Variants in PKHD1 observed in about 807,000 individuals in gnomAD.
PKHD1 encodes PKHD1 ciliary IPT domain containing fibrocystin/polyductin, also known as fibrocystin.
Under a neutral mutation model 412.0 loss-of-function variants are expected in PKHD1, and 291 were observed. The ratio of observed to expected loss-of-function variants is 0.71; its 90% CI spans 0.64 to 0.78. The LOEUF (loss-of-function observed/expected upper bound fraction) is 0.78. PKHD1 is among the 30% of genes least tolerant of loss of function. The pLI, the probability that PKHD1 is intolerant of heterozygous loss-of-function variation, is 0.00. For synonymous variants in PKHD1, 1,777 were observed against 1,821.5 expected (o/e 0.98, Z 0.62); for missense variants, 4,825 against 4,950.7 (o/e 0.97, Z 0.76).
rs986262169 is a variant in PKHD1 at position 51,771,496 on chromosome 6, G to A, written c.8642+1206C>T. ...TAGCTGGGCATGGTGGTGTGTGCCT[G>A]TAATCCCAGCTACTTGGGAGGCTGA... On this transcript the variant is annotated intron_variant, in intron 55 of 66. Transcript: ENST00000371117. 9.2e-5 allele frequency among the ~76,000 whole-genome samples: 14 copies of A among 152,018 alleles called. No homozygotes were observed. The East Asian group carries it at 2.7e-3, about 30-fold the overall frequency.
intron 52 of PKHD1, among the ~76,000 whole-genome samples, chr6:51,818,086 A>C (rs2151436197): frequency 6.6e-6 from 1 of 152,270 alleles, no homozygotes; most frequent in South Asian, 2.1e-4. Context: ...ATGGTTTCAA[A>C]CGAGATCCAG....
chr6:52,074,548 C>T (rs1037563717), intron 6 of PKHD1, among the ~76,000 whole-genome samples: 37 of 152,130 alleles, frequency 2.4e-4, no homozygotes, highest in African/African-American at 8.9e-4. Context: ...CTTTGACAGG[C>T]ACAATTTTAA....
intron 48 of PKHD1, among the ~76,000 whole-genome samples, chr6:51,860,092 C>T (rs1773949486): frequency 6.6e-6 from 1 of 152,220 alleles, no homozygotes; most frequent in Non-Finnish European, 1.5e-5. Context: ...TTCATAGGCA[C>T]TCATGTGCAG....
intron 14 of PKHD1, among the ~76,000 whole-genome samples, chr6:52,062,014 A>G (rs1808754344): frequency 1.3e-5 from 2 of 152,194 alleles, no homozygotes; most frequent in Admixed American, 1.3e-4. Flanking sequence ...CATCACTACT[A>G]CTGAAAACAA....
chr6:51,690,280 A>T (rs1385494651), intron 60 of PKHD1, among the ~76,000 whole-genome samples: 4 of 18,996 alleles, frequency 2.1e-4, no homozygotes, highest in Non-Finnish European at 7.3e-4. Flanking sequence ...TCAAAAAAAA[A>T]AAAAAAAAAA....
At chr6:51,981,565 A>G (rs1215667389) in intron 35 of PKHD1, among the ~76,000 whole-genome samples, 1 of 148,240 alleles carries the variant, frequency 6.7e-6, no homozygotes, top group Non-Finnish European at 1.5e-5. Context: ...GTGATCCGCC[A>G]GCCTCGGCCT....
chr6:51,987,997 C>G (rs116491835), intron 35 of PKHD1, among the ~76,000 whole-genome samples: 5 of 152,254 alleles, frequency 3.3e-5, no homozygotes, highest in Non-Finnish European at 7.3e-5. Flanking sequence ...AATTAGTATA[C>G]ATAAAGGCTA....
intron 46 of PKHD1, among the ~76,000 whole-genome samples, chr6:51,880,965 CAAA>C (rs1242623170): frequency 2.4e-5 from 2 of 84,154 alleles, no homozygotes; most frequent in Admixed American, 1.3e-4. Context: ...GACTCCGTCT[CAAA>C]AAAAAAAAAA....
chr6:51,987,783 T>C (rs1379916824), intron 35 of PKHD1, among the ~76,000 whole-genome samples: 2 of 152,018 alleles, frequency 1.3e-5, no homozygotes, highest in Non-Finnish European at 1.5e-5. Context: ...TATTCTCTGA[T>C]TCTCCAGAAG....
At chr6:51,755,576 A>C (rs1786850910) in intron 55 of PKHD1, among the ~76,000 whole-genome samples, 1 of 152,152 alleles carries the variant, frequency 6.6e-6, no homozygotes, top group Non-Finnish European at 1.5e-5. Context: ...GGTATTTTTC[A>C]AGACACACAT....
chr6:51,984,810 C>T (rs1187575147), intron 35 of PKHD1, among the ~76,000 whole-genome samples: 1 of 152,254 alleles, frequency 6.6e-6, no homozygotes, highest in Non-Finnish European at 1.5e-5. Context: ...TCAGAATCTG[C>T]GAACTAGAAA....
At chr6:52,071,163 A>G (rs1810557048) in intron 8 of PKHD1, 93 bp from the exon 9 acceptor site, 6 of 874,106 alleles carry the variant, frequency 6.9e-6, no homozygotes, top group Admixed American at 3.5e-5. Context: ...GCAAAAGAAA[A>G]CCAAATTTGC....
At chr6:51,997,767 C>T (rs893957652) in intron 35 of PKHD1, among the ~76,000 whole-genome samples, 2 of 152,160 alleles carry the variant, frequency 1.3e-5, no homozygotes, top group African/African-American at 2.4e-5. Context: ...AACACATCAC[C>T]GATGACATGG....
At chr6:51,843,118 G>A (rs1245582919) in intron 50 of PKHD1, among the ~76,000 whole-genome samples, 10 of 152,342 alleles carry the variant, frequency 6.6e-5, no homozygotes, top group Admixed American at 1.3e-4. Context: ...CTGGGATGCC[G>A]AGAGGATCGT....
At chr6:51,981,339 CCCTCTCCCTCTCCCTCTCCCTCT>C (rs1795180470) in intron 35 of PKHD1, among the ~76,000 whole-genome samples, 1 of 74,236 alleles carries the variant, frequency 1.3e-5, no homozygotes, top group Non-Finnish European at 3.1e-5. Context: ...CTCTCCCTCT[CCCTCTCCCTCTCCCTCTCCCTCT>C]CCCTCTCCCT....
chr6:52,056,280 T>C (rs1712327890), intron 18 of PKHD1, among the ~76,000 whole-genome samples: 1 of 152,198 alleles, frequency 6.6e-6, no homozygotes, highest in Non-Finnish European at 1.5e-5. Flanking sequence ...TAGTTCGCCT[T>C]AGTAGTAGTT....
intron 22 of PKHD1, 43 bp from the exon 23 acceptor site, chr6:52,048,662 T>A (rs777130319): frequency 2.5e-6 from 4 of 1,612,464 alleles, no homozygotes; most frequent in Non-Finnish European, 1.7e-6. Flanking sequence ...TGGGTTGGGG[T>A]GTGCACCTAG....
In PKHD1 at chr6:51,912,344, T is replaced by C. The variant is rs372657563; in HGVS notation, c.6332+22A>G. The C allele has an allele frequency of 3.7e-5, 56 of 1,502,804 alleles. No individual in the cohort carries two copies. The East Asian group carries it at 6.5e-4, about 18-fold the overall frequency. 93.1% of individuals were successfully genotyped at this position (1,502,804 alleles called of 1,614,324 possible). Reference sequence around the variant, plus strand: ...GATCTCATCTTCTTCCATGTCAACTTAGCCAAGCTGACACTCAGTACCTCA... The same window carrying C: ...GATCTCATCTTCTTCCATGTCAACTCAGCCAAGCTGACACTCAGTACCTCA... On this transcript the variant is annotated intron_variant, in intron 38 of 66. Transcript: ENST00000371117.
chr6:51,937,851 T>C (rs549105647), intron 36 of PKHD1, among the ~76,000 whole-genome samples: 9 of 152,318 alleles, frequency 5.9e-5, no homozygotes, highest in Admixed American at 2.0e-4. Flanking sequence ...TCTGTGGCTA[T>C]CATCACACTC....
Sources: gnomAD v4.1 joint callset for allele counts (sites outside exome capture counted in the v4.1 genomes callset) on GRCh38, gnomAD v4.1.1 for gene constraint, MANE v1.5 for transcripts, NCBI Gene and HGNC (gene_info 2026-07-23, HGNC 2026-07-21) for gene names.